The following METTL21C variants were observed in gnomAD, a reference collection of about 807,000 sequenced individuals.
The protein encoded by METTL21C is methyltransferase 21C, AARS1 lysine.
In METTL21C, 21 loss-of-function variants were observed where a neutral mutation model predicts 25.9. That is an observed-to-expected ratio of 0.81 (90% confidence interval 0.58 to 1.17). The LOEUF (loss-of-function observed/expected upper bound fraction) is 1.17. METTL21C is among the 50% of genes most tolerant of loss of function. METTL21C has a pLI of 0.00. For synonymous variants in METTL21C, 125 were observed against 124.7 expected (o/e 1.00, Z -0.01); for missense variants, 312 against 315.1 (o/e 0.99, Z 0.07).
chr13:102,690,795 A>T lies in METTL21C; in HGVS notation c.282+18T>A. ...ATCTCCAGAAATCCTGACATCACAA[A>T]TATGACAGTTCTCTCACCCCTGGCC... On this transcript the variant is annotated intron_variant, in intron 2 of 3. Transcript: ENST00000267273. The T allele has an allele frequency of 1.2e-6, 2 of 1,611,244 alleles. No individual in the cohort carries two copies. The highest frequency in any genetic ancestry group is 3.3e-4 in the Middle Eastern group (2 of 6,044).
intron 1 of METTL21C, 57 bp downstream of exon 1, chr13:102,694,312 G>A (rs1356284545): frequency 1.3e-6 from 2 of 1,558,722 alleles, no homozygotes; most frequent in African/African-American, 2.8e-5. Context: ...ACTTGAAGAT[G>A]TCATCGCCAG....
At chr13:102,692,004 G>T (rs990966820) in intron 1 of METTL21C, among the ~76,000 whole-genome samples, 4 of 152,120 alleles carry the variant, frequency 2.6e-5, no homozygotes, top group African/African-American at 9.7e-5. Context: ...AGAGGAAAAG[G>T]TGTTGGTCCC....
chr13:102,700,444 T>C, the METTL21C span, among the ~76,000 whole-genome samples: 1 of 152,188 alleles, frequency 6.6e-6, no homozygotes, highest in African/African-American at 2.4e-5. Context: ...TTTAGAAAAA[T>C]CTCCAACTGC....
At chr13:102,700,909 A>G in the METTL21C span, among the ~76,000 whole-genome samples, 8 of 151,804 alleles carry the variant, frequency 5.3e-5, no homozygotes, top group African/African-American at 1.9e-4. Context: ...TTCTTTCCAT[A>G]GCGCCGTCCG....
chr13:102,699,685 A>T (rs1411220696), upstream of METTL21C, among the ~76,000 whole-genome samples: 2 of 152,196 alleles, frequency 1.3e-5, no homozygotes, highest in Non-Finnish European at 2.9e-5. Flanking sequence ...TGAGTAATGG[A>T]GAAAAGGTCA....
chr13:102,694,534 G>A lies in METTL21C; in HGVS notation c.-36C>T. 1.9e-6 allele frequency: 1 copy of A among 525,052 alleles called. No homozygotes were observed. Among genetic ancestry groups the A allele is most frequent in the Non-Finnish European group, 2.6e-6 (1 of 389,182 alleles). The allele number at this position is 525,052 out of a possible 1,614,324, so 32.5% of individuals were successfully genotyped here. ...CCCAAAGACAGCTGTGCATTGAAAA[G>A]CAATCTACAAAAGAACGACTATAAT... On this transcript the variant is annotated 5_prime_UTR_variant, in exon 1 of 4. Coordinates refer to ENST00000267273, the MANE Select transcript of METTL21C (RefSeq NM_001010977.3).
At chr13:102,686,890 T>G in intron 3 of METTL21C, 50 bp downstream of exon 3, 1 of 1,438,904 alleles carries the variant, frequency 6.9e-7, no homozygotes, top group Non-Finnish European at 9.8e-7. Flanking sequence ...CACTTGCTAT[T>G]GTTGTTACAG....
At position 102,685,818 on chromosome 13, in the gene METTL21C, A is replaced by G. The variant is rs542477075; in HGVS notation, c.*213T>C. On this transcript the variant is annotated 3_prime_UTR_variant, in exon 4 of 4. Coordinates refer to ENST00000267273, the MANE Select transcript of METTL21C (RefSeq NM_001010977.3). ...CCAACAAAGCTACTTTCATGTTTTT[A>G]TGTTGTTCTTTTTAGATATTTAGAT... 7 of 487,722 alleles carry G rather than the reference A, an allele frequency of 1.4e-5. No individual in the cohort carries two copies. In the South Asian group the frequency reaches 2.9e-4, roughly 20 times the overall value. The allele number at this position is 487,722 out of a possible 1,614,324, so 30.2% of individuals were successfully genotyped here. A position where few individuals can be genotyped will look rare whatever the true frequency, so the allele number is the denominator to read the frequency against.
chr13:102,696,295 A>G (rs1175207512), upstream of METTL21C, among the ~76,000 whole-genome samples: 1 of 152,116 alleles, frequency 6.6e-6, no homozygotes, highest in Non-Finnish European at 1.5e-5. Flanking sequence ...GTTCTCACTC[A>G]TAAGTGGGAG....
chr13:102,693,176 C>T (rs1343693114), intron 1 of METTL21C, among the ~76,000 whole-genome samples: 1 of 152,010 alleles, frequency 6.6e-6, no homozygotes, highest in Admixed American at 6.5e-5. Context: ...CGATTAACCT[C>T]GAGAGCATAG....
At chr13:102,699,728 C>G (rs1438180564), upstream of METTL21C, among the ~76,000 whole-genome samples, 1 of 152,188 alleles carries the variant, frequency 6.6e-6, no homozygotes, top group African/African-American at 2.4e-5. Flanking sequence ...AACTTCTGGT[C>G]CCTCAATTAG....
At chr13:102,689,924 T>G (rs1885782663) in intron 2 of METTL21C, among the ~76,000 whole-genome samples, 1 of 152,088 alleles carries the variant, frequency 6.6e-6, no homozygotes, top group Non-Finnish European at 1.5e-5. Context: ...CCACCCTAGG[T>G]TTTAAATATG....
In METTL21C at chr13:102,695,007, CT is replaced by C. The variant is rs2138891735; in HGVS notation, c.-510del. 6.6e-6 allele frequency among the ~76,000 whole-genome samples: 1 copy of C among 152,192 alleles called. No individual in the cohort carries two copies. Among genetic ancestry groups the C allele is most frequent in the South Asian group, 2.1e-4 (1 of 4,822 alleles). On this transcript the variant is annotated 5_prime_UTR_variant, in exon 1 of 4. The change abolishes the stop of an existing upstream ORF in the 5' untranslated region. Coordinates refer to ENST00000267273, the MANE Select transcript of METTL21C (RefSeq NM_001010977.3). ...CACTGGAACAGAACAGAGGCTGCCC[CT>C]GTGGCATCCAGTTGCTGCGATGTGG...
upstream of METTL21C, among the ~76,000 whole-genome samples, chr13:102,695,910 G>A (rs370607330): frequency 1.3e-5 from 2 of 152,286 alleles, no homozygotes; most frequent in South Asian, 2.1e-4. Flanking sequence ...TGCAATGTAC[G>A]TGAATATATG....
chr13:102,686,592 C>T (rs1234653625), intron 3 of METTL21C, among the ~76,000 whole-genome samples, 167 bp from the exon 4 acceptor site: 2 of 152,092 alleles, frequency 1.3e-5, no homozygotes, highest in African/African-American at 2.4e-5. Flanking sequence ...GTGGGTGGTC[C>T]GTCCCGTGCA....
chr13:102,686,876 T>A, intron 3 of METTL21C, 64 bp downstream of exon 3: 1 of 1,307,416 alleles, frequency 7.6e-7, no homozygotes, highest in Non-Finnish European at 1.1e-6. Context: ...TGTCATAGAG[T>A]AAGCACTTGC....
intron 2 of METTL21C, among the ~76,000 whole-genome samples, chr13:102,690,186 C>T (rs565880894): frequency 1.3e-5 from 2 of 151,978 alleles, no homozygotes; most frequent in Admixed American, 1.3e-4. Flanking sequence ...TTTGGGAGGC[C>T]GAGGTGGGCA....
the METTL21C span, among the ~76,000 whole-genome samples, chr13:102,702,183 G>GTA: frequency 0.052 from 7,770 of 150,046 alleles, 553 homozygotes; most frequent in African/African-American, 0.17. Flanking sequence ...AAGTGTGTGT[G>GTA]TATATATATA....
At chr13:102,692,192 C>G (rs944556619) in intron 1 of METTL21C, among the ~76,000 whole-genome samples, 18 of 152,136 alleles carry the variant, frequency 1.2e-4, no homozygotes, top group African/African-American at 4.1e-4. Flanking sequence ...GTGTTTTAAT[C>G]TGAAATAGCC....
Sources: gnomAD v4.1 joint callset for allele counts (sites outside exome capture counted in the v4.1 genomes callset) on GRCh38, gnomAD v4.1.1 for gene constraint, MANE v1.5 for transcripts, NCBI Gene and HGNC (gene_info 2026-07-23, HGNC 2026-07-21) for gene names.